Variants in SKAP1 observed in about 807,000 individuals in gnomAD.
SKAP1 encodes the protein src kinase associated phosphoprotein 1.
A neutral mutation model predicts 58.5 loss-of-function variants in SKAP1; 44 were observed. That is an observed-to-expected ratio of 0.75 (90% CI 0.59 to 0.97). SKAP1 has a LOEUF of 0.97. Ranked by LOEUF, SKAP1 falls within the 50% of genes least tolerant of loss-of-function variation. The pLI, the probability that SKAP1 is intolerant of heterozygous loss-of-function variation, is 0.00. For synonymous variants in SKAP1, 127 were observed against 149.7 expected (o/e 0.85, Z 1.11); for missense variants, 390 against 435.2 (o/e 0.90, Z 0.92).
chr17:48,427,495 G>A (rs771824915), intron 1 of SKAP1, among the ~76,000 whole-genome samples: 9 of 151,918 alleles, frequency 5.9e-5, no homozygotes, highest in South Asian at 2.1e-4. Context: ...TTTCTAGGTC[G>A]AGTGAAACAT....
At chr17:48,380,936 T>A (rs1224714906) in intron 2 of SKAP1, among the ~76,000 whole-genome samples, 1 of 152,212 alleles carries the variant, frequency 6.6e-6, no homozygotes, top group African/African-American at 2.4e-5. Flanking sequence ...ATTTTCCCAT[T>A]GACATAACAT....
chr17:48,286,125 T>A (rs905651654), intron 4 of SKAP1, among the ~76,000 whole-genome samples: 2 of 152,142 alleles, frequency 1.3e-5, no homozygotes, highest in African/African-American at 4.8e-5. Context: ...AAATGCTTGA[T>A]GAAAGGAGAA....
rs71366861 is a variant in SKAP1, at chr17:48,348,497, A to ATTG, written c.179-2492_179-2491insCAA. Among the ~76,000 whole-genome samples the ATTG allele has an allele frequency of 6.8e-3, 1,031 of 152,166 alleles. 5 individuals carry two copies. The highest frequency in any genetic ancestry group is 0.011 in the Non-Finnish European group (727 of 67,992). On this transcript the variant is annotated intron_variant, in intron 3 of 12. Coordinates refer to ENST00000336915, the MANE Select transcript of SKAP1 (RefSeq NM_003726.4). ...TTAGATTTATGTAAGTGTTGCAAAGATAGTACAGAGTTCCTACATACCCTT... is the reference window on the plus strand; with the variant it reads ...TTAGATTTATGTAAGTGTTGCAAAGATTGTAGTACAGAGTTCCTACATACCCTT...
At chr17:48,288,046 A>G (rs542228699) in intron 4 of SKAP1, among the ~76,000 whole-genome samples, 5 of 152,224 alleles carry the variant, frequency 3.3e-5, no homozygotes, top group Admixed American at 2.6e-4. Flanking sequence ...GGAACTTGGT[A>G]TATCTTTAAT....
chr17:48,315,189 T>C (rs1471766067), intron 4 of SKAP1, among the ~76,000 whole-genome samples: 1 of 152,220 alleles, frequency 6.6e-6, no homozygotes. Context: ...AGTACTCATA[T>C]AATAATTTTA....
chr17:48,142,892 C>T (rs1055972215), intron 11 of SKAP1, among the ~76,000 whole-genome samples: 1 of 151,864 alleles, frequency 6.6e-6, no homozygotes, highest in African/African-American at 2.4e-5. Context: ...TGCAACCACT[C>T]CTGGGCTTAA....
intron 11 of SKAP1, among the ~76,000 whole-genome samples, chr17:48,147,730 TG>T (rs1328020520): frequency 6.6e-6 from 1 of 152,224 alleles, no homozygotes; most frequent in African/African-American, 2.4e-5. Context: ...CTCTCCAGGC[TG>T]TTTTACAATC....
At chr17:48,312,980 T>C (rs1303395772) in intron 4 of SKAP1, among the ~76,000 whole-genome samples, 1 of 152,156 alleles carries the variant, frequency 6.6e-6, no homozygotes, top group Admixed American at 6.5e-5. Flanking sequence ...TCTTTCTGTC[T>C]ACATCAGGAG....
chr17:48,309,069 A>T (rs529562199), intron 4 of SKAP1, among the ~76,000 whole-genome samples: 1 of 152,170 alleles, frequency 6.6e-6, no homozygotes, highest in South Asian at 2.1e-4. Context: ...CAAGAACTTT[A>T]AAAAATTAGC....
chr17:48,330,223 T>C (rs1173088607), intron 4 of SKAP1, among the ~76,000 whole-genome samples: 2 of 152,206 alleles, frequency 1.3e-5, no homozygotes, highest in African/African-American at 4.8e-5. Flanking sequence ...TCGATTCCAG[T>C]TAATTATTTT....
rs2063713839 is a variant in SKAP1 at position 48,137,349 on chromosome 17, A to G, written c.979-12T>C. Reference sequence around the variant, plus strand: ...TACATGTTATACTCCTGAAAAGTGAAAAGAGGATAGCGTCAGTTAGAATTT... The same window carrying G: ...TACATGTTATACTCCTGAAAAGTGAGAAGAGGATAGCGTCAGTTAGAATTT... On this transcript the variant is annotated splice_polypyrimidine_tract_variant and intron_variant, in intron 11 of 12. Transcript: ENST00000336915. 6.4e-7 allele frequency: 1 copy of G among 1,570,728 alleles called. No individual in the cohort carries two copies. Among genetic ancestry groups the G allele is most frequent in the Admixed American group, 1.7e-5 (1 of 59,900 alleles).
chr17:48,210,252 C>T (rs929298098), intron 4 of SKAP1, among the ~76,000 whole-genome samples: 2 of 152,126 alleles, frequency 1.3e-5, no homozygotes, highest in Non-Finnish European at 2.9e-5. Flanking sequence ...AGCCGTGGTT[C>T]GTAACTCTGG....
At chr17:48,430,257 G>A, upstream of SKAP1, 7 of 554,000 alleles carry the variant, frequency 1.3e-5, no homozygotes, top group Non-Finnish European at 1.8e-5. Flanking sequence ...GCCGCGGGGC[G>A]GGGCCGTGGG....
intron 8 of SKAP1, among the ~76,000 whole-genome samples, 181 bp downstream of exon 8, chr17:48,182,213 G>A (rs1178866645): frequency 1.3e-5 from 2 of 152,168 alleles, no homozygotes; most frequent in African/African-American, 2.4e-5. Context: ...GGTTGATACT[G>A]TCTTTATCTT....
intron 4 of SKAP1, among the ~76,000 whole-genome samples, chr17:48,319,007 A>G (rs1231499491): frequency 2.6e-5 from 4 of 152,260 alleles, no homozygotes; most frequent in Non-Finnish European, 5.9e-5. Flanking sequence ...TTAAAGAAGT[A>G]CACATAACAG....
intron 4 of SKAP1, among the ~76,000 whole-genome samples, chr17:48,260,569 TG>T (rs1160595095): frequency 6.6e-6 from 1 of 152,170 alleles, no homozygotes; most frequent in African/African-American, 2.4e-5. Flanking sequence ...TCAATTTAAT[TG>T]ATTTGACTCG....
chr17:48,184,155 C>A (rs9901714), intron 7 of SKAP1, among the ~76,000 whole-genome samples: 1,738 of 152,154 alleles, frequency 0.011, 32 homozygotes, highest in African/African-American at 0.04. Context: ...GAGCACAGTA[C>A]GGAATAAGTC....
chr17:48,408,545 A>G (rs2067619101), intron 1 of SKAP1, among the ~76,000 whole-genome samples: 1 of 152,202 alleles, frequency 6.6e-6, no homozygotes, highest in African/African-American at 2.4e-5. Flanking sequence ...AAAGTCCTAT[A>G]TAAAATACTA....
intron 4 of SKAP1, among the ~76,000 whole-genome samples, chr17:48,318,348 A>G (rs1354530916): frequency 6.6e-6 from 1 of 152,238 alleles, no homozygotes; most frequent in African/African-American, 2.4e-5. Flanking sequence ...TACCCAAAGC[A>G]GGAGGCTGGC....
Sources: gnomAD v4.1 joint callset for allele counts (sites outside exome capture counted in the v4.1 genomes callset) on GRCh38, gnomAD v4.1.1 for gene constraint, MANE v1.5 for transcripts, NCBI Gene and HGNC (gene_info 2026-07-23, HGNC 2026-07-21) for gene names.